Variants in GRIN2A observed in about 807,000 individuals in gnomAD.
GRIN2A encodes glutamate receptor ionotropic, NMDA 2A.
In GRIN2A, 22 loss-of-function variants were observed where a neutral mutation model predicts 113.4. The ratio of observed to expected loss-of-function variants is 0.19; its 90% CI spans 0.14 to 0.28. The LOEUF (loss-of-function observed/expected upper bound fraction) is 0.28. GRIN2A is among the 10% of genes least tolerant of loss of function. The pLI, the probability that GRIN2A is intolerant of heterozygous loss-of-function variation, is 1.00. For missense variants in GRIN2A, 1,502 were observed against 1,887.0 expected, an observed-to-expected ratio of 0.80 and a Z score of 3.78; for synonymous variants, 827 against 738.4, an observed-to-expected ratio of 1.12 and a Z score of -1.94.
At position 10,111,535 on chromosome 16, in the gene GRIN2A, A is replaced by G. The variant is rs2048614081; in HGVS notation, c.414+68463T>C. 2.0e-5 allele frequency: 15 copies of G among 762,474 alleles called. No individual in the cohort carries two copies. The Admixed American group carries it at 2.1e-4, about 11-fold the overall frequency. 47.2% of individuals were successfully genotyped at this position (762,474 alleles called of 1,614,324 possible). On this transcript the variant is annotated intron_variant, in intron 2 of 12. Transcript: ENST00000330684. ...TTTCATAGCTGATGAGGTAGACCTA[A>G]CTTCAGCCCTGACCCGGAAGATCAT...
intron 2 of GRIN2A, among the ~76,000 whole-genome samples, chr16:10,056,315 T>A (rs1243036678): frequency 1.3e-5 from 2 of 152,120 alleles, no homozygotes; most frequent in African/African-American, 4.8e-5. Context: ...CATTCAACCC[T>A]ACATCTTTCC....
chr16:10,044,007 G>GTATATATATATATATATATA (rs368522556), intron 2 of GRIN2A, among the ~76,000 whole-genome samples: 5 of 116,932 alleles, frequency 4.3e-5, no homozygotes, highest in African/African-American at 1.7e-4. Context: ...GTGTGTGTGT[G>GTATATATATATATATATATA]TATATATATA....
intron 2 of GRIN2A, among the ~76,000 whole-genome samples, chr16:10,105,180 G>T (rs2048473702): frequency 6.6e-6 from 1 of 151,962 alleles, no homozygotes; most frequent in African/African-American, 2.4e-5. Flanking sequence ...AAGCCAGAAG[G>T]CCCTGAACCC....
At chr16:9,937,664 C>T (rs1007830187) in intron 3 of GRIN2A, 5 of 423,014 alleles carry the variant, frequency 1.2e-5, no homozygotes, top group African/African-American at 2.0e-5. Context: ...AATATAGATA[C>T]ACTTGAGATA....
At chr16:10,000,241 CCAAG>C (rs2046296663) in intron 2 of GRIN2A, among the ~76,000 whole-genome samples, 1 of 152,156 alleles carries the variant, frequency 6.6e-6, no homozygotes, top group Non-Finnish European at 1.5e-5. Context: ...TCCACTGGTT[CCAAG>C]CATTAGGGCA....
chr16:9,892,891 A>C (rs1336998149), intron 3 of GRIN2A, among the ~76,000 whole-genome samples: 2 of 151,078 alleles, frequency 1.3e-5, no homozygotes, highest in African/African-American at 4.9e-5. Flanking sequence ...ATACTGTGTC[A>C]CTTGCTTCAT....
intron 2 of GRIN2A, among the ~76,000 whole-genome samples, chr16:10,031,776 C>A (rs1596444283): frequency 6.6e-6 from 1 of 152,348 alleles, no homozygotes; most frequent in Non-Finnish European, 1.5e-5. Context: ...ATGCAACACC[C>A]AAATGTGGCC....
chr16:9,872,904 G>C (rs1054534598), intron 4 of GRIN2A, among the ~76,000 whole-genome samples: 2 of 152,038 alleles, frequency 1.3e-5, no homozygotes, highest in Non-Finnish European at 2.9e-5. Context: ...AACTAGCCAG[G>C]CATGGTGGCA....
At chr16:9,933,434 C>T (rs2044644334) in intron 3 of GRIN2A, among the ~76,000 whole-genome samples, 1 of 152,212 alleles carries the variant, frequency 6.6e-6, no homozygotes, top group African/African-American at 2.4e-5. Flanking sequence ...CCAGTCAAAT[C>T]TGGATCCCAG....
intron 2 of GRIN2A, among the ~76,000 whole-genome samples, chr16:10,113,951 C>T (rs1048588310): frequency 5.3e-5 from 8 of 152,002 alleles, no homozygotes; most frequent in Non-Finnish European, 8.8e-5. Context: ...CACATGTAAT[C>T]CCAGCTACTC....
chr16:9,938,560 G>A lies in GRIN2A; in HGVS notation c.415-9C>T, dbSNP rs747828140. ...AAGGTAGACGTCGGATCCTGCCAGT[G>A]AAAAGAAAGTAAAACAGAGGATGAG... On this transcript the variant is annotated splice_polypyrimidine_tract_variant and intron_variant, in intron 2 of 12. Transcript: ENST00000330684. 1.9e-6 allele frequency: 3 copies of A among 1,595,866 alleles called. No individual in the cohort carries two copies. In the South Asian group the frequency reaches 3.3e-5, roughly 18 times the overall value.
At chr16:10,038,026 G>A (rs1476668085) in intron 2 of GRIN2A, among the ~76,000 whole-genome samples, 1 of 152,168 alleles carries the variant, frequency 6.6e-6, no homozygotes, top group Non-Finnish European at 1.5e-5. Flanking sequence ...ATGCTTTTCT[G>A]CCTTAGTCTG....
intron 7 of GRIN2A, among the ~76,000 whole-genome samples, chr16:9,838,393 AC>A (rs2042617817): frequency 6.6e-6 from 1 of 152,216 alleles, no homozygotes; most frequent in Non-Finnish European, 1.5e-5. Flanking sequence ...TATGGAATCA[AC>A]CTATGAGCCC....
intron 4 of GRIN2A, among the ~76,000 whole-genome samples, chr16:9,870,235 C>T (rs571118967): frequency 2.6e-5 from 4 of 152,282 alleles, no homozygotes; most frequent in African/African-American, 4.8e-5. Flanking sequence ...AGGTTCTGCA[C>T]GATTAATGCA....
intron 2 of GRIN2A, among the ~76,000 whole-genome samples, chr16:10,098,599 T>C (rs2048338196): frequency 6.6e-6 from 1 of 152,148 alleles, no homozygotes; most frequent in African/African-American, 2.4e-5. Flanking sequence ...GTGGTATGTA[T>C]ATATACACGA....
At chr16:10,090,214 A>G (rs561310973) in intron 2 of GRIN2A, among the ~76,000 whole-genome samples, 1 of 145,652 alleles carries the variant, frequency 6.9e-6, no homozygotes, top group South Asian at 2.1e-4. Flanking sequence ...CCAGTAGCCA[A>G]AAAAAAAATA....
chr16:10,171,422 G>C (rs1191204740), intron 2 of GRIN2A: 4 of 152,220 alleles, frequency 2.6e-5, no homozygotes, highest in Non-Finnish European at 5.9e-5. Context: ...TGGTCCAGTT[G>C]GTGGAGTCAT....
At chr16:10,141,746 C>T (rs1335439848) in intron 2 of GRIN2A, among the ~76,000 whole-genome samples, 1 of 152,220 alleles carries the variant, frequency 6.6e-6, no homozygotes, top group Non-Finnish European at 1.5e-5. Flanking sequence ...CTATGGCATG[C>T]CATCCTCAGG....
At chr16:9,903,879 A>G (rs1008284285) in intron 3 of GRIN2A, among the ~76,000 whole-genome samples, 1 of 152,232 alleles carries the variant, frequency 6.6e-6, no homozygotes, top group East Asian at 1.9e-4. Flanking sequence ...GATGAAGCTG[A>G]TATGAAGGGT....
Sources: allele counts gnomAD v4.1 joint callset (sites outside exome capture counted in the v4.1 genomes callset), GRCh38; gene constraint gnomAD v4.1.1; transcripts MANE v1.5; gene names NCBI Gene and HGNC (gene_info 2026-07-23, HGNC 2026-07-21).